The following FAF1 variants were observed in gnomAD, a reference collection of about 807,000 sequenced individuals.
FAF1 encodes the protein Fas associated factor 1.
A neutral mutation model predicts 92.5 loss-of-function variants in FAF1; 25 were observed. The ratio of observed to expected loss-of-function variants is 0.27; its 90% confidence interval spans 0.20 to 0.38. FAF1 has a LOEUF of 0.38. FAF1 is among the 10% of genes least tolerant of loss of function. The pLI is 1.00. For missense variants in FAF1, 636 were observed against 793.3 expected (o/e 0.80, Z 2.38); for synonymous variants, 234 against 273.2 (o/e 0.86, Z 1.42).
intron 4 of FAF1, among the ~76,000 whole-genome samples, chr1:50,765,514 AT>A (rs1660531681): frequency 6.6e-6 from 1 of 152,332 alleles, no homozygotes; most frequent in South Asian, 2.1e-4. Context: ...TAGTCCAATT[AT>A]TTCCATTCAG....
In FAF1 at chr1:50,490,643, A is replaced by G; in HGVS notation, c.1598T>C (p.Met533Thr). 6.2e-7 allele frequency: 1 copy of G among 1,612,698 alleles called. No individual in the cohort carries two copies. The highest frequency in any genetic ancestry group is 8.5e-7 in the Non-Finnish European group (1 of 1,178,694). ...CTGCTCCAAACGAAACTGTTCTGCC[A>G]TCTCTCTCTCGTGAGCTTCCCTCTG... ...RAKREAHERE[M>T]AEQFRLEQIR... Residue 533 changes from methionine (M) to threonine (T), a missense_variant, in exon 17 of 19, where the codon ATG becomes ACG. Met to Thr is a moderately conservative substitution (Grantham distance 81). This residue lies in a region of FAF1 where 319 missense variants were observed against 451.0 expected (regional missense o/e 0.71). Transcript: ENST00000396153.
intron 4 of FAF1, among the ~76,000 whole-genome samples, chr1:50,748,039 C>T (rs1275262801): frequency 6.6e-6 from 1 of 152,150 alleles, no homozygotes; most frequent in Non-Finnish European, 1.5e-5. Context: ...TATAAATTAC[C>T]CAGTCTCAGG....
chr1:50,616,595 C>T (rs1192117288), intron 8 of FAF1, among the ~76,000 whole-genome samples: 1 of 151,736 alleles, frequency 6.6e-6, no homozygotes, highest in Non-Finnish European at 1.5e-5. Context: ...TTCTTTGTGG[C>T]TAATGTAAAT....
intron 13 of FAF1, among the ~76,000 whole-genome samples, chr1:50,554,390 T>TATAGAGAGAGAGAGAGAGAGAGAGAGAG: frequency 3.2e-5 from 3 of 93,706 alleles, no homozygotes; most frequent in African/African-American, 1.4e-4. Context: ...TATATATATA[T>TATAGAGAGAGAGAGAGAGAGAGAGAGAG]AGAGAGAGAG....
At chr1:50,661,020 A>C (rs1655347317) in intron 7 of FAF1, among the ~76,000 whole-genome samples, 1 of 152,240 alleles carries the variant, frequency 6.6e-6, no homozygotes, top group African/African-American at 2.4e-5. Flanking sequence ...AGAAAATTTA[A>C]AACTATTAAT....
intron 2 of FAF1, among the ~76,000 whole-genome samples, chr1:50,815,778 C>T (rs911177277): frequency 6.6e-6 from 1 of 152,132 alleles, no homozygotes; most frequent in Non-Finnish European, 1.5e-5. Flanking sequence ...AATCCCAGCA[C>T]TTTGGGAGGC....
intron 8 of FAF1, among the ~76,000 whole-genome samples, chr1:50,646,419 G>T (rs538606892): frequency 6.6e-6 from 1 of 152,046 alleles, no homozygotes; most frequent in East Asian, 1.9e-4. Flanking sequence ...CATACAAATC[G>T]ATCCTTTAGT....
chr1:50,813,830 C>T (rs1461185458), intron 2 of FAF1, among the ~76,000 whole-genome samples: 1 of 151,838 alleles, frequency 6.6e-6, no homozygotes, highest in Non-Finnish European at 1.5e-5. Flanking sequence ...AATGACCTAG[C>T]AATTCCACTC....
chr1:50,923,199 G>T (rs999644680), intron 1 of FAF1, among the ~76,000 whole-genome samples: 7 of 152,136 alleles, frequency 4.6e-5, no homozygotes, highest in Non-Finnish European at 7.3e-5. Flanking sequence ...TGGAAGGATT[G>T]CTTAAGCCCA....
chr1:50,535,600 T>G (rs1264375954), intron 14 of FAF1, 143 bp from the exon 15 acceptor site: 1 of 540,990 alleles, frequency 1.8e-6, no homozygotes, highest in Non-Finnish European at 3.2e-6. Flanking sequence ...TAAAATACTT[T>G]TGTGGTTTTA....
chr1:50,822,239 C>A (rs961454001), intron 2 of FAF1, among the ~76,000 whole-genome samples: 2 of 152,078 alleles, frequency 1.3e-5, no homozygotes, highest in African/African-American at 4.8e-5. Flanking sequence ...GTTCACTGAA[C>A]TCTTCCAAGT....
intron 18 of FAF1, among the ~76,000 whole-genome samples, chr1:50,464,980 C>T (rs1646476640): frequency 6.6e-6 from 1 of 152,220 alleles, no homozygotes; most frequent in South Asian, 2.1e-4. Context: ...TCTCTCCAAT[C>T]TTCCCCTGCC....
rs932477415 is a variant in FAF1 at position 50,838,365 on chromosome 1, TAA to T, written c.114+19562_114+19563del. Among the ~76,000 whole-genome samples the T allele has an allele frequency of 7.9e-5, 12 of 151,436 alleles. No individual in the cohort carries two copies. The South Asian group carries it at 1.9e-3, about 24-fold the overall frequency. On this transcript the variant is annotated intron_variant, in intron 2 of 18. Coordinates refer to ENST00000396153, the MANE Select transcript of FAF1 (RefSeq NM_007051.3). Reference sequence around the variant, plus strand: ...ACTATAGTATTAACATATATTACATTAACTTATAATTTTACATGTTAATATAA... The same window carrying T: ...ACTATAGTATTAACATATATTACATTCTTATAATTTTACATGTTAATATAA...
At chr1:50,543,346 G>C (rs913266004) in intron 13 of FAF1, among the ~76,000 whole-genome samples, 2 of 152,052 alleles carry the variant, frequency 1.3e-5, no homozygotes, top group African/African-American at 4.8e-5. Flanking sequence ...CCGTATACCA[G>C]GTGCTGTAAA....
rs141617535 is a variant in FAF1 at position 50,764,269 on chromosome 1, G to A, written c.368-19494C>T. Among the ~76,000 whole-genome samples the A allele has an allele frequency of 2.7e-4, 41 of 152,240 alleles. No homozygotes were observed. In the East Asian group the frequency reaches 7.3e-3, roughly 27 times the overall value. On this transcript the variant is annotated intron_variant, in intron 4 of 18. Transcript: ENST00000396153. ...GGGGTCTCAGTACTAACTGTACCCT[G>A]TGTGCGACAAAGTCTTTTTCCTCTG...
intron 13 of FAF1, among the ~76,000 whole-genome samples, chr1:50,557,176 T>C (rs942601457): frequency 6.6e-6 from 1 of 152,180 alleles, no homozygotes; most frequent in African/African-American, 2.4e-5. Flanking sequence ...TAGAAAACTA[T>C]TTGCTGAAAA....
intron 2 of FAF1, among the ~76,000 whole-genome samples, chr1:50,837,708 T>C (rs1644221152): frequency 1.3e-5 from 2 of 151,256 alleles, no homozygotes; most frequent in African/African-American, 4.8e-5. Flanking sequence ...CTCAACTTTA[T>C]GAAAATAGTA....
chr1:50,536,628 A>G (rs1648496869), intron 14 of FAF1, among the ~76,000 whole-genome samples: 1 of 152,214 alleles, frequency 6.6e-6, no homozygotes, highest in African/African-American at 2.4e-5. Flanking sequence ...CTACTCACTC[A>G]GTAAATGAGT....
intron 1 of FAF1, among the ~76,000 whole-genome samples, chr1:50,944,913 A>G (rs1161779369): frequency 1.3e-5 from 2 of 152,212 alleles, no homozygotes; most frequent in African/African-American, 2.4e-5. Flanking sequence ...CATTCTGATC[A>G]TTACTCAGGA....
Sources: gnomAD v4.1 joint callset for allele counts (sites outside exome capture counted in the v4.1 genomes callset) on GRCh38, gnomAD v4.1.1 for gene constraint, gnomAD v4.1.1 regional missense constraint, MANE v1.5 for transcripts, NCBI Gene and HGNC (gene_info 2026-07-23, HGNC 2026-07-21) for gene names.